GAPDH: variants seen among roughly 807,000 people sequenced by gnomAD.
GAPDH encodes the protein glyceraldehyde-3-phosphate dehydrogenase, also known as OCAS, p38 component.
In GAPDH, 13 loss-of-function variants were observed where a neutral mutation model predicts 31.2. The observed-to-expected ratio is 0.42, with a 90% CI of 0.27 to 0.66. The LOEUF is 0.66. GAPDH is among the 30% of genes least tolerant of loss of function. The probability of loss-of-function intolerance (pLI) is 0.26; values close to 1 mark genes in which losing one functional copy is unlikely to be tolerated. For missense variants in GAPDH, 300 were observed against 443.7 expected, an observed-to-expected ratio of 0.68 and a Z score of 2.91; for synonymous variants, 211 against 166.9, an observed-to-expected ratio of 1.26 and a Z score of -2.04.
In GAPDH at chr12:6,537,060, G is replaced by A. The variant is rs1219750435; in HGVS notation, c.328-41G>A. 2 of 1,607,230 alleles carry A rather than the reference G, an allele frequency of 1.2e-6. No individual in the cohort carries two copies. Among genetic ancestry groups the A allele is most frequent in the Non-Finnish European group, 1.7e-6 (2 of 1,176,256 alleles). On this transcript the variant is annotated intron_variant, in intron 5 of 8. Transcript: ENST00000229239. The surrounding 1 kb of genome is among the most constrained non-coding windows in gnomAD (Gnocchi z 4.9). ...GGGGAAGCTGACTCAGCCCTGCAAA[G>A]GCAGGACCCGGGTTCATAACTGTCT... is the stretch of plus-strand genomic sequence containing the variant.
chr12:6,536,850 T>A (rs1335615923), intron 4 of GAPDH, 60 bp downstream of exon 4: 1 of 1,584,050 alleles, frequency 6.3e-7, no homozygotes, highest in Non-Finnish European at 8.7e-7. Context: ...ATGGTGTGGC[T>A]CCCTTGGGTA....
Position 6,537,219 on chromosome 12 carries a change from G to A in GAPDH, c.443+3G>A, listed in dbSNP as rs1229447292. The A allele has an allele frequency of 5.0e-6, 8 of 1,597,896 alleles. No homozygotes were observed. In the Admixed American group the frequency reaches 9.1e-5, roughly 18 times the overall value. ...GACAACAGCCTCAAGATCATCAGGT[G>A]AGGAAGGCAGGGCCCGTGGAGAAGC... is the stretch of plus-strand genomic sequence containing the variant. On this transcript the variant is annotated splice_donor_region_variant and intron_variant, in intron 6 of 8. Transcript: ENST00000229239. The surrounding 1 kb of genome is among the most constrained non-coding windows in gnomAD (Gnocchi z 4.9).
In GAPDH at chr12:6,536,983, C is replaced by T. The variant is rs371116598; in HGVS notation, c.300C>T (p.Gly100=). 9.9e-6 allele frequency: 16 copies of T among 1,613,836 alleles called. No homozygotes were observed. Among genetic ancestry groups the T allele is most frequent in the South Asian group, 3.3e-5 (3 of 91,072 alleles). ...AGAEYVVEST[G]VFTTMEKAGA... Reference sequence around the variant, plus strand: ...CTGAGTACGTCGTGGAGTCCACTGGCGTCTTCACCACCATGGAGAAGGCTG... The same window carrying T: ...CTGAGTACGTCGTGGAGTCCACTGGTGTCTTCACCACCATGGAGAAGGCTG... The change falls in exon 5 of 9, where the codon GGC becomes GGT. Residue 100 remains glycine (G), a synonymous_variant. Coordinates refer to ENST00000229239, the MANE Select transcript of GAPDH (RefSeq NM_002046.7).
chr12:6,534,982 A>G, intron 2 of GAPDH, 121 bp downstream of exon 2: 1 of 1,177,996 alleles, frequency 8.5e-7, no homozygotes, highest in Non-Finnish European at 1.2e-6. Flanking sequence ...CCCCGCAAGG[A>G]GAGCTCAAGG....
intron 2 of GAPDH, chr12:6,535,372 T>A: frequency 6.1e-6 from 6 of 989,902 alleles, no homozygotes; most frequent in Non-Finnish European, 7.2e-6. Flanking sequence ...CGCTCCTGCC[T>A]CGATGGGTGG....
chr12:6,537,210 T>C lies in GAPDH; in HGVS notation c.437T>C (p.Ile146Thr). Reference sequence around the variant, plus strand: ...GAGAAGTATGACAACAGCCTCAAGATCATCAGGTGAGGAAGGCAGGGCCCG... The same window carrying C: ...GAGAAGTATGACAACAGCCTCAAGACCATCAGGTGAGGAAGGCAGGGCCCG... ...NHEKYDNSLK[I>T]ISNASCTTNC... The change falls in exon 6 of 9, where the codon ATC becomes ACC. Residue 146 changes from isoleucine to threonine, a missense_variant. By Grantham distance (89) the Ile-to-Thr change is moderately conservative (BLOSUM62 -1). Transcript: ENST00000229239. This position sits in a 1 kb window ranked among gnomAD's most constrained non-coding sequence, Gnocchi z 4.9. 6.2e-7 allele frequency: 1 copy of C among 1,611,770 alleles called. No individual in the cohort carries two copies. Among genetic ancestry groups the C allele is most frequent in the Non-Finnish European group, 8.5e-7 (1 of 1,179,458 alleles).
Position 6,534,870 on chromosome 12 carries a change from G to C in GAPDH, c.29+9G>C. On this transcript the variant is annotated intron_variant, in intron 2 of 8. Coordinates refer to ENST00000229239, the MANE Select transcript of GAPDH (RefSeq NM_002046.7). Reference sequence around the variant, plus strand: ...AAGGTCGGAGTCAACGGGTGAGTTCGCGGGTGGCTGGGGGGCCCTGGGCTG... The same window carrying C: ...AAGGTCGGAGTCAACGGGTGAGTTCCCGGGTGGCTGGGGGGCCCTGGGCTG... 2 of 1,612,870 alleles carry C rather than the reference G, an allele frequency of 1.2e-6. No homozygotes were observed. The highest frequency in any genetic ancestry group is 1.7e-6 in the Non-Finnish European group (2 of 1,179,442).
Position 6,536,722 on chromosome 12 carries a change from C to T in GAPDH, c.168C>T (p.Phe56=). Residue 56 remains phenylalanine, a synonymous_variant, in exon 4 of 9, where the codon TTC becomes TTT. Coordinates refer to ENST00000229239, the MANE Select transcript of GAPDH (RefSeq NM_002046.7). ...AATATGATTCCACCCATGGCAAATT[C>T]CATGGCACCGTCAAGGCTGAGAACG... ...MFQYDSTHGK[F]HGTVKAENGK... 6.2e-7 allele frequency: 1 copy of T among 1,614,054 alleles called. No homozygotes were observed. The highest frequency in any genetic ancestry group is 1.6e-4 in the Middle Eastern group (1 of 6,062).
intron 2 of GAPDH, among the ~76,000 whole-genome samples, 162 bp from the exon 3 acceptor site, chr12:6,536,332 G>T (rs1038512048): frequency 6.6e-6 from 1 of 152,188 alleles, no homozygotes; most frequent in South Asian, 2.1e-4. Flanking sequence ...AGCCAGGCCA[G>T]CCTGGCAGGG....
At chr12:6,534,773 G>C in intron 1 of GAPDH, 37 bp from the exon 2 acceptor site, 1 of 1,583,430 alleles carries the variant, frequency 6.3e-7, no homozygotes, top group East Asian at 2.2e-5. Flanking sequence ...TGTCGGCCGG[G>C]GCCACTAGGC....
chr12:6,537,952 G>C lies in GAPDH; in HGVS notation c.894G>C (p.Gly298=). The change falls in exon 8 of 9, where the codon GGG becomes GGC. Residue 298 remains glycine, a synonymous_variant. Transcript: ENST00000229239. The surrounding 1 kb of genome is among the most constrained non-coding windows in gnomAD (Gnocchi z 4.9). The stretch of plus-strand genomic sequence containing the variant: ...CCCACTCCTCCACCTTTGACGCTGG[G>C]GCTGGCATTGCCCTCAACGACCACT... ...SDTHSSTFDA[G]AGIALNDHFV... The C allele has an allele frequency of 6.2e-7, 1 of 1,614,020 alleles. No homozygotes were observed. Among genetic ancestry groups the C allele is most frequent in the South Asian group, 1.1e-5 (1 of 91,082 alleles).
chr12:6,535,217 C>G (rs1456971348), intron 2 of GAPDH: 1 of 1,100,654 alleles, frequency 9.1e-7, no homozygotes, highest in East Asian at 5.6e-5. Context: ...CCCACGGCCT[C>G]CGGCACCGCA....
At position 6,537,032 on chromosome 12, in the gene GAPDH, G is replaced by C; in HGVS notation, c.327+22G>C. On this transcript the variant is annotated intron_variant, in intron 5 of 8. Coordinates refer to ENST00000229239, the MANE Select transcript of GAPDH (RefSeq NM_002046.7). This position sits in a 1 kb window ranked among gnomAD's most constrained non-coding sequence, Gnocchi z 4.9. ...TGGGGTGAGTGCAGGAGGGCCCGCG[G>C]GAGGGGAAGCTGACTCAGCCCTGCA... The C allele has an allele frequency of 6.2e-7, 1 of 1,609,158 alleles. No homozygotes were observed. The highest frequency in any genetic ancestry group is 8.5e-7 in the Non-Finnish European group (1 of 1,177,764).
rs541601360 is a variant in GAPDH at position 6,537,622 on chromosome 12, G to A, written c.564G>A (p.Val188=). The change falls in exon 8 of 9, where the codon GTG becomes GTA. Residue 188 remains valine, a synonymous_variant. Transcript: ENST00000229239. This position sits in a 1 kb window ranked among gnomAD's most constrained non-coding sequence, Gnocchi z 4.9. ...CCATCACTGCCACCCAGAAGACTGTGGATGGCCCCTCCGGGAAACTGTGGC... is the reference window on the plus strand; with the variant it reads ...CCATCACTGCCACCCAGAAGACTGTAGATGGCCCCTCCGGGAAACTGTGGC... The part of the protein sequence containing the change: ...VHAITATQKT[V]DGPSGKLWRD... The A allele has an allele frequency of 7.0e-4, 1,132 of 1,611,944 alleles. 17 individuals carry two copies. The South Asian group carries it at 0.012, about 17-fold the overall frequency.
At position 6,537,131 on chromosome 12, in the gene GAPDH, A is replaced by G; in HGVS notation, c.358A>G (p.Ile120Val). 1.2e-6 allele frequency: 2 copies of G among 1,613,944 alleles called. No homozygotes were observed. The highest frequency in any genetic ancestry group is 1.7e-6 in the Non-Finnish European group (2 of 1,179,948). ...TTTGCAGGGGGGAGCCAAAAGGGTCATCATCTCTGCCCCCTCTGCTGATGC... is the reference window on the plus strand; with the variant it reads ...TTTGCAGGGGGGAGCCAAAAGGGTCGTCATCTCTGCCCCCTCTGCTGATGC... ...AHLQGGAKRV[I>V]ISAPSADAPM... Residue 120 changes from isoleucine (I) to valine (V), a missense_variant, in exon 6 of 9, where the codon ATC becomes GTC. Transcript: ENST00000229239. The surrounding 1 kb of genome is among the most constrained non-coding windows in gnomAD (Gnocchi z 4.9).
chr12:6,535,202 C>A, intron 2 of GAPDH: 1 of 1,105,370 alleles, frequency 9.0e-7, no homozygotes, highest in Non-Finnish European at 1.1e-6. Flanking sequence ...CAGAGGAGCC[C>A]CTCCCCCACG....
At position 6,534,803 on chromosome 12, in the gene GAPDH, C is replaced by G; in HGVS notation, c.-23-7C>G. The stretch of plus-strand genomic sequence containing the variant: ...CTAGGCGCTCACTGTTCTCTCCCTC[C>G]GCGCAGCCGAGCCACATCGCTCAGA... On this transcript the variant is annotated splice_polypyrimidine_tract_variant and splice_region_variant and intron_variant, in intron 1 of 8. Coordinates refer to ENST00000229239, the MANE Select transcript of GAPDH (RefSeq NM_002046.7). 6.2e-7 allele frequency: 1 copy of G among 1,611,132 alleles called. No individual in the cohort carries two copies. Among genetic ancestry groups the G allele is most frequent in the Non-Finnish European group, 8.5e-7 (1 of 1,179,412 alleles).
chr12:6,536,549 G>A lies in GAPDH; in HGVS notation c.85G>A (p.Asp29Asn). ...GGCTGCTTTTAACTCTGGTAAAGTG[G>A]ATATTGTTGCCATCAATGACCCCTT... ...TRAAFNSGKV[D>N]IVAINDPFID... Residue 29 changes from aspartate (D) to asparagine (N), a missense_variant, in exon 3 of 9, where the codon GAT becomes AAT. Transcript: ENST00000229239. 1.9e-6 allele frequency: 3 copies of A among 1,613,822 alleles called. No homozygotes were observed. Among genetic ancestry groups the A allele is most frequent in the Non-Finnish European group, 2.5e-6 (3 of 1,179,974 alleles).
intron 2 of GAPDH, among the ~76,000 whole-genome samples, chr12:6,535,911 G>A (rs1479756131): frequency 6.6e-6 from 1 of 152,108 alleles, no homozygotes; most frequent in Non-Finnish European, 1.5e-5. Context: ...TCCCACTCCT[G>A]ATTTCTGGAA....
Sources: allele counts gnomAD v4.1 joint callset (sites outside exome capture counted in the v4.1 genomes callset), GRCh38; gene constraint gnomAD v4.1.1; non-coding constraint Gnocchi (gnomAD v3.1); transcripts MANE v1.5; gene names NCBI Gene and HGNC (gene_info 2026-07-23, HGNC 2026-07-21).